CDH1: variants seen among roughly 807,000 people sequenced by gnomAD.
The protein encoded by CDH1 is cadherin 1, also known as cadherin-1.
In CDH1, 35 loss-of-function variants were observed where a neutral mutation model predicts 84.5. That is an observed-to-expected ratio of 0.41 (90% CI 0.32 to 0.55). The LOEUF is 0.55. Among genes scored for constraint, CDH1 ranks in the 20% least tolerant of loss-of-function variants. The probability of loss-of-function intolerance (pLI) is 0.19; values close to 1 mark genes in which losing one functional copy is unlikely to be tolerated. For missense variants in CDH1, 994 were observed against 1,126.6 expected (o/e 0.88, Z 1.68); for synonymous variants, 417 against 439.0 (o/e 0.95, Z 0.63).
chr16:68,786,775 A>G (rs927159185), intron 2 of CDH1, among the ~76,000 whole-genome samples: 11 of 152,016 alleles, frequency 7.2e-5, no homozygotes, highest in African/African-American at 1.9e-4. Context: ...TGTGAGCTCT[A>G]TTGGACAAGT....
intron 11 of CDH1, among the ~76,000 whole-genome samples, chr16:68,819,938 C>T (rs1336023183): frequency 6.6e-6 from 1 of 152,304 alleles, no homozygotes; most frequent in East Asian, 1.9e-4. Context: ...GTGACTCACA[C>T]CTGTAATCCC....
chr16:68,759,071 C>A (rs952064610), intron 2 of CDH1, among the ~76,000 whole-genome samples: 1 of 152,170 alleles, frequency 6.6e-6, no homozygotes, highest in African/African-American at 2.4e-5. Flanking sequence ...GTTGGGATTA[C>A]AGGTGTGAGC....
intron 2 of CDH1, among the ~76,000 whole-genome samples, chr16:68,750,965 A>G (rs184174683): frequency 6.6e-6 from 1 of 152,174 alleles, no homozygotes; most frequent in East Asian, 1.9e-4. Context: ...TTGGCCTCCC[A>G]AAGTGCTGGA....
chr16:68,808,138 A>T (rs978013094), intron 3 of CDH1, among the ~76,000 whole-genome samples: 1 of 152,194 alleles, frequency 6.6e-6, no homozygotes, highest in Non-Finnish European at 1.5e-5. Context: ...AAACCCTGAA[A>T]CCAATACTTG....
In CDH1 at chr16:68,819,380, G is replaced by A. The variant is rs876660399; in HGVS notation, c.1666G>A (p.Val556Met). 9 of 1,613,968 alleles carry A rather than the reference G, an allele frequency of 5.6e-6. No homozygotes were observed. The South Asian group carries it at 6.6e-5, about 12-fold the overall frequency. Reference protein sequence around the residue: ...AELDREDFEHVKNSTYTALII... With the variant: ...AELDREDFEHMKNSTYTALII... ...GCTGGACAGGGAGGATTTTGAGCACGTGAAGAACAGCACGTACACAGCCCT... is the reference window on the plus strand; with the variant it reads ...GCTGGACAGGGAGGATTTTGAGCACATGAAGAACAGCACGTACACAGCCCT... The change falls in exon 11 of 16, where the codon GTG becomes ATG. Residue 556 changes from valine to methionine, a missense_variant. Transcript: ENST00000261769.
At position 68,834,260 on chromosome 16, in the gene CDH1, C is replaced by G. The variant is rs1961578842; in HGVS notation, c.*761C>G. 2 of 510,896 alleles carry G rather than the reference C, an allele frequency of 3.9e-6. No homozygotes were observed. The highest frequency in any genetic ancestry group is 1.9e-5 in the African/African-American group (1 of 52,516). 31.6% of individuals were successfully genotyped at this position (510,896 alleles called of 1,614,324 possible). ...TGAGCCACTGCACCTGCCCAGCTCC[C>G]CAACTCCCTGCCATTTTTTAAGAGA... is the stretch of plus-strand genomic sequence containing the variant. On this transcript the variant is annotated 3_prime_UTR_variant, in exon 16 of 16. Coordinates refer to ENST00000261769, the MANE Select transcript of CDH1 (RefSeq NM_004360.5).
chr16:68,829,311 C>A (rs965928949), intron 14 of CDH1, among the ~76,000 whole-genome samples: 3 of 152,154 alleles, frequency 2.0e-5, no homozygotes, highest in Admixed American at 2.0e-4. Context: ...CACAACAAAG[C>A]CCCAGATCGA....
intron 2 of CDH1, among the ~76,000 whole-genome samples, chr16:68,795,428 C>G (rs1156299598): frequency 1.3e-5 from 2 of 152,218 alleles, no homozygotes; most frequent in African/African-American, 4.8e-5. Flanking sequence ...CCTGCCTTGG[C>G]TTCGCAAAAT....
chr16:68,777,733 T>C (rs1959773469), intron 2 of CDH1, among the ~76,000 whole-genome samples: 1 of 151,948 alleles, frequency 6.6e-6, no homozygotes, highest in South Asian at 2.1e-4. Context: ...AAATTTTTTA[T>C]TTTTATCATT....
chr16:68,801,742 C>G lies in CDH1; in HGVS notation c.236C>G (p.Thr79Arg), dbSNP rs876658359. ...CTCGACACCCGATTCAAAGTGGGCA[C>G]AGATGGTGTGATTACAGTCAAAAGG... is the stretch of plus-strand genomic sequence containing the variant. ...FSLDTRFKVG[T>R]DGVITVKRPL... Residue 79 changes from threonine to arginine, a missense_variant, in exon 3 of 16, where the codon ACA becomes AGA. This residue lies in a region of CDH1 where 203 missense variants were observed against 194.0 expected (regional missense o/e 1.05). Coordinates refer to ENST00000261769, the MANE Select transcript of CDH1 (RefSeq NM_004360.5). 1 of 1,614,202 alleles carries G rather than the reference C, an allele frequency of 6.2e-7. No homozygotes were observed. The highest frequency in any genetic ancestry group is 8.5e-7 in the Non-Finnish European group (1 of 1,180,022).
intron 2 of CDH1, 77 bp downstream of exon 2, chr16:68,738,488 C>T (rs1449101968): frequency 2.0e-6 from 2 of 976,552 alleles, no homozygotes; most frequent in Non-Finnish European, 3.1e-6. Flanking sequence ...ACTCCCACAC[C>T]CCTGGGTTGC....
In CDH1 at chr16:68,738,500, A is replaced by G. The variant is rs985194320; in HGVS notation, c.163+89A>G. The G allele has an allele frequency of 4.1e-5, 34 of 833,272 alleles. No individual in the cohort carries two copies. The African/African-American group carries it at 4.4e-4, about 11-fold the overall frequency. 51.6% of individuals were successfully genotyped at this position (833,272 alleles called of 1,614,324 possible). A position where few individuals can be genotyped will look rare whatever the true frequency, so the allele number is the denominator to read the frequency against. On this transcript the variant is annotated intron_variant, in intron 2 of 15. Coordinates refer to ENST00000261769, the MANE Select transcript of CDH1 (RefSeq NM_004360.5). Reference sequence around the variant, plus strand: ...TGCACTCCCACACCCCTGGGTTGCAATGGGCAAGCTCCCTCCTTGGCTCAA... The same window carrying G: ...TGCACTCCCACACCCCTGGGTTGCAGTGGGCAAGCTCCCTCCTTGGCTCAA...
At chr16:68,781,010 A>T (rs1470084151) in intron 2 of CDH1, among the ~76,000 whole-genome samples, 1 of 152,190 alleles carries the variant, frequency 6.6e-6, no homozygotes, top group East Asian at 1.9e-4. Flanking sequence ...AAGATTAAGG[A>T]GCTACTGCAA....
At position 68,755,282 on chromosome 16, in the gene CDH1, CAAA is replaced by C. The variant is rs1188775959; in HGVS notation, c.163+16891_163+16893del. Among the ~76,000 whole-genome samples the C allele has an allele frequency of 5.6e-3, 533 of 96,010 alleles. 6 individuals carry two copies. Among genetic ancestry groups the C allele is most frequent in the African/African-American group, 0.013 (359 of 26,612 alleles). The allele number at this position is 96,010 out of a possible 152,430, so 63.0% of individuals were successfully genotyped here. ...TGGGTGACAGGGCAAGACTCTGTCT[CAAA>C]AAAAAAAAAAAAAAAAAAATAGAAT... is the stretch of plus-strand genomic sequence containing the variant. On this transcript the variant is annotated intron_variant, in intron 2 of 15. Coordinates refer to ENST00000261769, the MANE Select transcript of CDH1 (RefSeq NM_004360.5).
rs762991145 is a variant in CDH1 at position 68,772,605 on chromosome 16, C to CA, written c.164-29061dup. On this transcript the variant is annotated intron_variant, in intron 2 of 15. Transcript: ENST00000261769. ...CATACCCTGTGATGTAGGTCTTCCT[C>CA]AAAATCACCACACTATGTCAAATTG... 2.0e-5 allele frequency among the ~76,000 whole-genome samples: 3 copies of CA among 151,886 alleles called. No individual in the cohort carries two copies. In the East Asian group the frequency reaches 5.8e-4, roughly 29 times the overall value.
chr16:68,745,603 G>GTATGAGTATATATATA (rs1471329862), intron 2 of CDH1, among the ~76,000 whole-genome samples: 1 of 127,908 alleles, frequency 7.8e-6, no homozygotes, highest in South Asian at 2.2e-4. Context: ...GTATATATAT[G>GTATGAGTATATATATA]TATGTGTATA....
intron 8 of CDH1, among the ~76,000 whole-genome samples, chr16:68,812,971 C>T (rs1354894819): frequency 2.6e-5 from 4 of 152,180 alleles, no homozygotes; most frequent in Middle Eastern, 3.4e-3. Flanking sequence ...ACCCAGGAGG[C>T]GGAGGCTGCA....
chr16:68,812,303 C>T (rs1208609772), intron 8 of CDH1, 40 bp downstream of exon 8: 2 of 1,610,084 alleles, frequency 1.2e-6, no homozygotes, highest in Middle Eastern at 3.3e-4. Flanking sequence ...AAAGAAAGGT[C>T]TTTTGTTGTT....
At chr16:68,813,686 T>C (rs2152133897) in intron 9 of CDH1, 191 bp downstream of exon 9, 1 of 727,952 alleles carries the variant, frequency 1.4e-6, no homozygotes, top group Non-Finnish European at 2.5e-6. Context: ...AACTGTGCTG[T>C]GTGTGGTGGC....
Sources: allele counts gnomAD v4.1 joint callset (sites outside exome capture counted in the v4.1 genomes callset), GRCh38; gene constraint gnomAD v4.1.1; regional missense constraint gnomAD v4.1.1; transcripts MANE v1.5; gene names NCBI Gene and HGNC (gene_info 2026-07-23, HGNC 2026-07-21).